Variants in RALYL observed in about 807,000 individuals in gnomAD.
The protein encoded by RALYL is RNA-binding Raly-like protein.
A neutral mutation model predicts 35.1 loss-of-function variants in RALYL; 29 were observed. That is an observed-to-expected ratio of 0.83 (90% CI 0.61 to 1.13). RALYL has a LOEUF of 1.13. RALYL is among the 50% of genes most tolerant of loss of function. The probability of loss-of-function intolerance (pLI) is 0.00; values close to 1 mark genes in which losing one functional copy is unlikely to be tolerated. For missense variants in RALYL, 359 were observed against 360.4 expected, an observed-to-expected ratio of 1.00 and a Z score of 0.03; for synonymous variants, 120 against 127.6, an observed-to-expected ratio of 0.94 and a Z score of 0.40.
chr8:84,438,220 G>A (rs1007560783), intron 1 of RALYL, among the ~76,000 whole-genome samples: 36 of 152,028 alleles, frequency 2.4e-4, no homozygotes, highest in Admixed American at 1.7e-3. Context: ...AGTTTACTCC[G>A]TTGATAATTT....
At chr8:84,188,844 T>C (rs1003060387) in intron 1 of RALYL, among the ~76,000 whole-genome samples, 13 of 152,196 alleles carry the variant, frequency 8.5e-5, no homozygotes, top group Non-Finnish European at 1.6e-4. Context: ...TTGTTAGACT[T>C]ATGTTAAATA....
At chr8:84,909,005 C>T (rs1417962846) in intron 8 of RALYL, among the ~76,000 whole-genome samples, 1 of 152,100 alleles carries the variant, frequency 6.6e-6, no homozygotes, top group Non-Finnish European at 1.5e-5. Flanking sequence ...GACAGCATTT[C>T]CATGCCATGT....
chr8:84,584,865 A>G (rs533909694), intron 2 of RALYL, among the ~76,000 whole-genome samples: 44 of 152,276 alleles, frequency 2.9e-4, no homozygotes, highest in South Asian at 8.3e-4. Flanking sequence ...ACTTCTTTCC[A>G]TCTCTTCATA....
intron 1 of RALYL, among the ~76,000 whole-genome samples, chr8:84,429,735 G>T (rs1563916779): frequency 6.6e-6 from 1 of 151,978 alleles, no homozygotes. Context: ...ATTGGAGGTG[G>T]TGTCTGGGTG....
At chr8:84,622,189 A>T (rs961460648) in intron 2 of RALYL, among the ~76,000 whole-genome samples, 3 of 152,220 alleles carry the variant, frequency 2.0e-5, no homozygotes, top group Non-Finnish European at 4.4e-5. Flanking sequence ...GAGAGGAAAG[A>T]TGAGTTTGAT....
chr8:84,799,368 A>G (rs1399879889), intron 3 of RALYL, among the ~76,000 whole-genome samples: 1 of 152,226 alleles, frequency 6.6e-6, no homozygotes, highest in African/African-American at 2.4e-5. Context: ...ACATGATTAT[A>G]TTTGTATTTT....
chr8:84,335,031 G>A (rs1026393195), intron 1 of RALYL, among the ~76,000 whole-genome samples: 1 of 151,924 alleles, frequency 6.6e-6, no homozygotes, highest in African/African-American at 2.4e-5. Context: ...TTTCTTTGTC[G>A]ACTAACTCTT....
chr8:84,242,894 T>G (rs1828268981), intron 1 of RALYL, among the ~76,000 whole-genome samples: 1 of 152,190 alleles, frequency 6.6e-6, no homozygotes, highest in African/African-American at 2.4e-5. Context: ...CTTTTGACAT[T>G]TTCATGATGA....
chr8:84,278,438 A>G (rs1435371680), intron 1 of RALYL, among the ~76,000 whole-genome samples: 1 of 152,182 alleles, frequency 6.6e-6, no homozygotes, highest in Non-Finnish European at 1.5e-5. Flanking sequence ...CATTTCCCCC[A>G]TTATCTTGGT....
intron 2 of RALYL, among the ~76,000 whole-genome samples, chr8:84,620,314 A>G (rs1821030605): frequency 6.6e-6 from 1 of 151,808 alleles, no homozygotes. Context: ...TTTTTCTCTA[A>G]ACTTCCCTTC....
intron 1 of RALYL, among the ~76,000 whole-genome samples, chr8:84,502,999 C>A (rs2056838555): frequency 6.6e-6 from 1 of 151,060 alleles, no homozygotes; most frequent in African/African-American, 2.4e-5. Flanking sequence ...ACTGGAGAAT[C>A]ATTTGAATAA....
At chr8:84,915,699 C>T (rs926613715) in intron 8 of RALYL, among the ~76,000 whole-genome samples, 1 of 152,038 alleles carries the variant, frequency 6.6e-6, no homozygotes, top group Non-Finnish European at 1.5e-5. Flanking sequence ...ACCAGCTTCA[C>T]CACTGAACCA....
intron 8 of RALYL, among the ~76,000 whole-genome samples, chr8:84,911,716 T>A (rs1186179067): frequency 6.6e-6 from 1 of 152,276 alleles, no homozygotes; most frequent in East Asian, 1.9e-4. Context: ...CCCAGCTTTT[T>A]ACCTGTGCTC....
chr8:84,238,011 A>G, intron 1 of RALYL, among the ~76,000 whole-genome samples: 1 of 99,662 alleles, frequency 1.0e-5, no homozygotes, highest in Non-Finnish European at 2.4e-5. Flanking sequence ...AACAAAACAA[A>G]AGAAAAAAAA....
At chr8:84,296,272 C>A (rs1414822684) in intron 1 of RALYL, among the ~76,000 whole-genome samples, 1 of 152,062 alleles carries the variant, frequency 6.6e-6, no homozygotes, top group Non-Finnish European at 1.5e-5. Flanking sequence ...TGGCTGAATG[C>A]AGATTTGCTC....
chr8:84,801,004 T>C (rs1326149665), intron 3 of RALYL, among the ~76,000 whole-genome samples: 1 of 152,204 alleles, frequency 6.6e-6, no homozygotes, highest in East Asian at 1.9e-4. Flanking sequence ...GTTTGCTATA[T>C]AATTGAGAAA....
At chr8:84,887,065 T>C (rs925232638) in intron 7 of RALYL, among the ~76,000 whole-genome samples, 1 of 152,170 alleles carries the variant, frequency 6.6e-6, no homozygotes, top group Admixed American at 6.6e-5. Flanking sequence ...ACTTTAAAAT[T>C]TCCGGCAATT....
chr8:84,299,387 T>G (rs957550761), intron 1 of RALYL, among the ~76,000 whole-genome samples: 1 of 152,002 alleles, frequency 6.6e-6, no homozygotes, highest in African/African-American at 2.4e-5. Flanking sequence ...TTGTTGAAAA[T>G]TTTTGCATCT....
intron 2 of RALYL, among the ~76,000 whole-genome samples, chr8:84,714,430 G>C (rs1458920504): frequency 6.6e-6 from 1 of 151,456 alleles, no homozygotes; most frequent in Non-Finnish European, 1.5e-5. Context: ...ACATGGTAAT[G>C]GATATGTTTC....
Sources: gnomAD v4.1 joint callset for allele counts (sites outside exome capture counted in the v4.1 genomes callset) on GRCh38, gnomAD v4.1.1 for gene constraint, MANE v1.5 for transcripts, NCBI Gene and HGNC (gene_info 2026-07-23, HGNC 2026-07-21) for gene names.